Variants in MYO15B observed in about 807,000 individuals in gnomAD.
The protein encoded by MYO15B is myosin XVB, also known as myosin XVB pseudogene.
In MYO15B, 207 loss-of-function variants were observed where a neutral mutation model predicts 119.3. The ratio of observed to expected loss-of-function variants is 1.73; its 90% CI spans 1.55 to 1.95. The LOEUF is 1.95. MYO15B is among the 30% of genes most tolerant of loss of function. The pLI is 0.00. For synonymous variants in MYO15B, 966 were observed against 498.9 expected, an observed-to-expected ratio of 1.94 and a Z score of -12.48; for missense variants, 2,264 against 1,203.1, an observed-to-expected ratio of 1.88 and a Z score of -13.04.
Position 75,625,988 on chromosome 17 carries a change from C to G in MYO15B, c.9072+11C>G. The G allele has an allele frequency of 1.4e-6, 1 of 701,012 alleles. No homozygotes were observed. The highest frequency in any genetic ancestry group is 2.6e-6 in the Non-Finnish European group (1 of 383,986). The allele number at this position is 701,012 out of a possible 1,614,324, so 43.4% of individuals were successfully genotyped here. A position where few individuals can be genotyped will look rare whatever the true frequency, so the allele number is the denominator to read the frequency against. ...GACCCCAGCTCCCAGGTGGGCACAGCTCTTGCCTCAGCACTGGCCTAGGGA... is the reference window on the plus strand; with the variant it reads ...GACCCCAGCTCCCAGGTGGGCACAGGTCTTGCCTCAGCACTGGCCTAGGGA... On this transcript the variant is annotated intron_variant, in intron 62 of 63. Coordinates refer to ENST00000645453, the Ensembl canonical transcript of MYO15B.
At chr17:75,590,879 T>G (rs1198184753) in intron 2 of MYO15B, 28 bp from the exon 3 acceptor site, 1 of 398,280 alleles carries the variant, frequency 2.5e-6, no homozygotes, top group Non-Finnish European at 4.7e-6. Context: ...CCCTCCACAC[T>G]CTGATGAGAG....
At chr17:75,623,903 G>A in intron 54 of MYO15B, 46 bp from the exon 55 acceptor site, 2 of 702,866 alleles carry the variant, frequency 2.8e-6, no homozygotes, top group Middle Eastern at 2.3e-4. Flanking sequence ...GGGCAGCTGG[G>A]CACTGTGGCC....
chr17:75,587,988 G>C (rs969386048), exon 1 of MYO15B: 1 of 397,878 alleles, frequency 2.5e-6, no homozygotes, highest in Non-Finnish European at 4.4e-6. Flanking sequence ...GAAGGTCACC[G>C]CGGGAGGCCA....
chr17:75,625,615 C>A, exon 61 of MYO15B: 2 of 703,006 alleles, frequency 2.8e-6, no homozygotes, highest in Non-Finnish European at 5.2e-6. Flanking sequence ...GGAGCTGAGA[C>A]GGCTGGAAGG....
chr17:75,624,941 C>CT (rs2058938306), intron 59 of MYO15B, 25 bp downstream of exon 59: 1 of 699,810 alleles, frequency 1.4e-6, no homozygotes, highest in Admixed American at 2.0e-5. Flanking sequence ...CTCCGAGCTG[C>CT]TGCTGCAGTT....
At chr17:75,624,869 C>T (rs1188835695) in exon 59 of MYO15B, 2 of 703,028 alleles carry the variant, frequency 2.8e-6, no homozygotes, top group South Asian at 1.5e-5. Context: ...CTGGGAGACC[C>T]CACTGCACTT....
chr17:75,590,686 CTATG>C lies in MYO15B; in HGVS notation c.2250+2_2250+5del, dbSNP rs1488244673. ...AGAAGAGATTTCACCTGGGCCGTAT[CTATG>C]TATGGGGAGCCACGGGGACGGACAG... On this transcript the variant is annotated splice_donor_variant and coding_sequence_variant, in exon 2 of 64. Transcript: ENST00000645453. LOFTEE classifies it high-confidence loss of function. 2 of 184,160 alleles carry C rather than the reference CTATG, an allele frequency of 1.1e-5. No homozygotes were observed. Among genetic ancestry groups the C allele is most frequent in the Admixed American group, 1.2e-4 (2 of 16,732 alleles). 11.4% of individuals were successfully genotyped at this position (184,160 alleles called of 1,614,324 possible).
exon 1 of MYO15B, chr17:75,590,234 C>T (rs1598683394): frequency 1.0e-5 from 4 of 399,016 alleles, no homozygotes; most frequent in Middle Eastern, 6.2e-4. Flanking sequence ...GAGGACCTGG[C>T]GCGGTTGCGG....
exon 59 of MYO15B, chr17:75,624,851 C>T (rs1035949155): frequency 1.4e-5 from 10 of 702,884 alleles, no homozygotes; most frequent in African/African-American, 1.2e-4. Flanking sequence ...GCACAGCCGG[C>T]GGCTCCACTG....
chr17:75,621,173 C>T (rs781284377), exon 50 of MYO15B: 115 of 692,554 alleles, frequency 1.7e-4, no homozygotes, highest in Middle Eastern at 2.3e-4. Context: ...AGGTCCCAGG[C>T]CTTGTGAGTG....
Position 75,617,079 on chromosome 17 carries a change from C to T in MYO15B, c.6595-6C>T. 1.5e-6 allele frequency: 1 copy of T among 682,302 alleles called. No homozygotes were observed. Among genetic ancestry groups the T allele is most frequent in the Non-Finnish European group, 2.7e-6 (1 of 371,290 alleles). 42.3% of individuals were successfully genotyped at this position (682,302 alleles called of 1,614,324 possible). ...CAGCCCGTGTACTTTCTCCGTATCC[C>T]CCCAGATGCTGTCCCCCAGCCCAGG... On this transcript the variant is annotated splice_polypyrimidine_tract_variant and splice_region_variant and intron_variant, in intron 40 of 63. Transcript: ENST00000645453.
Position 75,616,349 on chromosome 17 carries a change from G to T in MYO15B, c.6147G>T (p.Pro2049=), listed in dbSNP as rs116195330. ...TCACAGTGAGGACGATGAAGCCCCC[G>T]GCCAAGGTCCACATCCCCCAGGGGG... The change falls in exon 38 of 64, where the codon CCG becomes CCT. Residue 2049 remains proline (P), a synonymous_variant. Coordinates refer to ENST00000645453, the Ensembl canonical transcript of MYO15B. 3.3e-3 allele frequency: 2,032 copies of T among 610,098 alleles called. 24 individuals are homozygous for T. In the African/African-American group the frequency reaches 0.033, roughly 10 times the overall value. The allele number at this position is 610,098 out of a possible 1,614,324, so 37.8% of individuals were successfully genotyped here.
intron 22 of MYO15B, 63 bp from the exon 23 acceptor site, chr17:75,610,836 TG>T: frequency 1.4e-6 from 1 of 702,260 alleles, no homozygotes; most frequent in Non-Finnish European, 2.6e-6. Context: ...ACTTCAGAGC[TG>T]GGGAGGTGCC....
chr17:75,613,722 G>A (rs995258717), exon 29 of MYO15B: 12 of 702,284 alleles, frequency 1.7e-5, no homozygotes, highest in African/African-American at 3.5e-5. Flanking sequence ...CTACTCGGCC[G>A]AGGTGGAGTC....
At chr17:75,621,292 G>A (rs779842720) in intron 50 of MYO15B, 53 bp from the exon 51 acceptor site, 54 of 672,816 alleles carry the variant, frequency 8.0e-5, no homozygotes, top group Non-Finnish European at 1.3e-4. Context: ...GGCTGGCTGG[G>A]ATGAAGGCAG....
chr17:75,626,075 C>G lies in MYO15B; in HGVS notation c.9073-13C>G. ...CCGGAGAGGAGACCAGCCCTGCTCT[C>G]TGCTGCCCCCAGAGCCTGTACTGCC... On this transcript the variant is annotated splice_polypyrimidine_tract_variant and intron_variant, in intron 62 of 63. Coordinates refer to ENST00000645453, the Ensembl canonical transcript of MYO15B. The G allele has an allele frequency of 1.3e-5, 9 of 702,092 alleles. No individual in the cohort carries two copies. Among genetic ancestry groups the G allele is most frequent in the Non-Finnish European group, 2.3e-5 (9 of 384,598 alleles). 43.5% of individuals were successfully genotyped at this position (702,092 alleles called of 1,614,324 possible).
exon 24 of MYO15B, chr17:75,611,618 G>T (rs780505269): frequency 1.4e-6 from 1 of 702,822 alleles, no homozygotes; most frequent in Middle Eastern, 2.3e-4. Flanking sequence ...GGCGCTTGGA[G>T]ATCCCGGCTG....
chr17:75,620,625 A>G (rs2058652389), exon 49 of MYO15B: 1 of 699,664 alleles, frequency 1.4e-6, no homozygotes, highest in Non-Finnish European at 2.6e-6. Context: ...TCGGTGGGAC[A>G]GGGCCTCAGA....
At chr17:75,610,625 G>A in intron 22 of MYO15B, 1 of 551,420 alleles carries the variant, frequency 1.8e-6, no homozygotes. Context: ...CCCCTCTCTG[G>A]CCCCTCCCTG....
Sources: allele counts gnomAD v4.1 joint callset, GRCh38; gene constraint gnomAD v4.1.1; transcripts MANE v1.5; gene names NCBI Gene and HGNC (gene_info 2026-07-23, HGNC 2026-07-21).